Variants in RUFY3 observed in about 807,000 individuals in gnomAD.
RUFY3 encodes protein RUFY3.
RUFY3 carries 34 observed loss-of-function variants against 84.0 expected under a neutral mutation model. The observed-to-expected ratio is 0.40, with a 90% confidence interval of 0.31 to 0.54. The LOEUF (loss-of-function observed/expected upper bound fraction) is 0.54, where lower values mean the gene tolerates loss of function less well. Ranked by LOEUF, RUFY3 falls within the 20% of genes least tolerant of loss-of-function variation. The pLI, the probability that RUFY3 is intolerant of heterozygous loss-of-function variation, is 0.39. For synonymous variants in RUFY3, 242 were observed against 252.9 expected (o/e 0.96, Z 0.41); for missense variants, 507 against 736.8 (o/e 0.69, Z 3.61).
At chr4:70,772,697 G>C (rs903692520) in intron 5 of RUFY3, among the ~76,000 whole-genome samples, 7 of 150,634 alleles carry the variant, frequency 4.6e-5, no homozygotes, top group Non-Finnish European at 1.0e-4. Flanking sequence ...TTTTGCTCTT[G>C]TTGCCCAGGC....
At chr4:70,763,825 A>G (rs1432248790) in intron 3 of RUFY3, among the ~76,000 whole-genome samples, 156 bp downstream of exon 3, 1 of 152,230 alleles carries the variant, frequency 6.6e-6, no homozygotes, top group East Asian at 1.9e-4. Context: ...GAGAATTGGT[A>G]TACAGAATAT....
chr4:70,759,064 A>G (rs1724544719), intron 1 of RUFY3, among the ~76,000 whole-genome samples: 1 of 152,068 alleles, frequency 6.6e-6, no homozygotes, highest in Non-Finnish European at 1.5e-5. Context: ...TATTGACTAT[A>G]GTCACCATAC....
At chr4:70,763,382 T>C (rs1725351919) in intron 2 of RUFY3, among the ~76,000 whole-genome samples, 170 bp from the exon 3 acceptor site, 1 of 152,128 alleles carries the variant, frequency 6.6e-6, no homozygotes, top group African/African-American at 2.4e-5. Context: ...AGTAGAGAAT[T>C]TTTTTATTTT....
intron 1 of RUFY3, among the ~76,000 whole-genome samples, chr4:70,757,824 T>C (rs762610335): frequency 2.0e-4 from 31 of 152,154 alleles, no homozygotes; most frequent in South Asian, 1.5e-3. Flanking sequence ...TAAAACAATA[T>C]CTAACACATA....
chr4:70,724,492 C>T (rs941330265), intron 1 of RUFY3, among the ~76,000 whole-genome samples: 7 of 152,148 alleles, frequency 4.6e-5, no homozygotes, highest in Admixed American at 1.3e-4. Flanking sequence ...TTTTTAGCAG[C>T]GCCATTTGAA....
At chr4:70,799,747 A>G (rs1252579898) in intron 14 of RUFY3, 1 of 165,688 alleles carries the variant, frequency 6.0e-6, no homozygotes, top group Non-Finnish European at 1.3e-5. Context: ...TTGAACGTCC[A>G]GAGGATTATA....
chr4:70,793,699 G>T, intron 12 of RUFY3, 86 bp from the exon 13 acceptor site: 1 of 1,606,698 alleles, frequency 6.2e-7, no homozygotes, highest in Non-Finnish European at 8.5e-7. Flanking sequence ...TCTTCCTTGG[G>T]TTATTTTATT....
chr4:70,743,474 C>T (rs987105089), intron 1 of RUFY3, among the ~76,000 whole-genome samples: 1 of 152,002 alleles, frequency 6.6e-6, no homozygotes, highest in Non-Finnish European at 1.5e-5. Flanking sequence ...AAAGTTTATC[C>T]CCTTCTTGAG....
rs189257989 is a variant in RUFY3, at chr4:70,779,754, A to G, written c.894+1316A>G. ...CACACCACCACACCTGGCTATTTTT[A>G]GTAGAGAGGGGGTCTTGCCATGTTG... On this transcript the variant is annotated intron_variant, in intron 8 of 17. Transcript: ENST00000381006. Among the ~76,000 whole-genome samples, 175 of 151,796 alleles carry G rather than the reference A, an allele frequency of 1.2e-3. 1 individual carries two copies. The highest frequency in any genetic ancestry group is 1.5e-3 in the Non-Finnish European group (99 of 67,878).
chr4:70,792,602 T>C, intron 12 of RUFY3: 3 of 985,390 alleles, frequency 3.0e-6, no homozygotes, highest in Non-Finnish European at 3.6e-6. Flanking sequence ...TTTTTTTCTC[T>C]TTTTTTCATT....
At chr4:70,709,578 C>G (rs1740733430) in intron 1 of RUFY3, among the ~76,000 whole-genome samples, 1 of 152,184 alleles carries the variant, frequency 6.6e-6, no homozygotes, top group Non-Finnish European at 1.5e-5. Context: ...TTCTCAGCAA[C>G]TACAATTTGT....
chr4:70,748,741 G>A (rs1400802337), intron 1 of RUFY3, among the ~76,000 whole-genome samples: 1 of 152,138 alleles, frequency 6.6e-6, no homozygotes, highest in Admixed American at 6.5e-5. Context: ...CACGTGGTAG[G>A]TTTGTGTTGC....
chr4:70,791,241 A>C (rs1220378821), intron 12 of RUFY3: 2 of 1,613,234 alleles, frequency 1.2e-6, no homozygotes, highest in South Asian at 2.2e-5. Flanking sequence ...GGATTTGGTG[A>C]AACAGGCAAA....
chr4:70,763,778 C>A, intron 3 of RUFY3, 109 bp downstream of exon 3: 1 of 1,325,912 alleles, frequency 7.5e-7, no homozygotes, highest in Non-Finnish European at 1.0e-6. Flanking sequence ...TTATAACAAT[C>A]CAAAATGCAT....
intron 14 of RUFY3, among the ~76,000 whole-genome samples, chr4:70,799,236 G>A (rs148343791): frequency 2.6e-5 from 4 of 151,890 alleles, no homozygotes; most frequent in Non-Finnish European, 5.9e-5. Flanking sequence ...GAGTTGAACA[G>A]GCTATAGAGA....
chr4:70,799,864 C>T, intron 14 of RUFY3: 1 of 317,156 alleles, frequency 3.2e-6, no homozygotes, highest in Non-Finnish European at 5.7e-6. Flanking sequence ...ATATCTGGAG[C>T]CAACTTTGCA....
chr4:70,797,173 G>A (rs1178543952), intron 14 of RUFY3, among the ~76,000 whole-genome samples: 1 of 151,902 alleles, frequency 6.6e-6, no homozygotes, highest in Non-Finnish European at 1.5e-5. Context: ...CAACTCCTGG[G>A]CTCAAGCGAT....
chr4:70,747,002 C>G (rs1373811390), intron 1 of RUFY3, among the ~76,000 whole-genome samples: 1 of 152,156 alleles, frequency 6.6e-6, no homozygotes, highest in Non-Finnish European at 1.5e-5. Flanking sequence ...CATCAGTATA[C>G]TGGTTGTGAT....
Position 70,722,111 on chromosome 4 carries a change from G to T in RUFY3, c.-463G>T. On this transcript the variant is annotated 5_prime_UTR_variant, in exon 1 of 18. In the 5' UTR this introduces an upstream ATG that the reference lacks. Transcript: ENST00000381006. ...TTTTTTAAGCTACATTGAAAATATA[G>T]GTTTATTTTTTGTTCAGGTTTTTCT... is the stretch of plus-strand genomic sequence containing the variant. 3 of 1,231,722 alleles carry T rather than the reference G, an allele frequency of 2.4e-6. No individual in the cohort carries two copies. The highest frequency in any genetic ancestry group is 3.0e-6 in the Non-Finnish European group (3 of 987,706). 76.3% of individuals were successfully genotyped at this position (1,231,722 alleles called of 1,614,324 possible).
Sources: gnomAD v4.1 joint callset for allele counts (sites outside exome capture counted in the v4.1 genomes callset) on GRCh38, gnomAD v4.1.1 for gene constraint, MANE v1.5 for transcripts, NCBI Gene and HGNC (gene_info 2026-07-23, HGNC 2026-07-21) for gene names.